Variants in RFC3 observed in about 807,000 individuals in gnomAD.
RFC3 encodes replication factor C subunit 3, also known as A1 38 kDa subunit.
Under a neutral mutation model 45.1 loss-of-function variants are expected in RFC3, and 41 were observed. The ratio of observed to expected loss-of-function variants is 0.91; its 90% CI spans 0.71 to 1.18. The LOEUF (loss-of-function observed/expected upper bound fraction) is 1.18, where lower values mean the gene tolerates loss of function less well. Ranked by LOEUF, RFC3 falls within the 50% of genes most tolerant of loss-of-function variation. The probability of loss-of-function intolerance (pLI) is 0.00; values close to 1 mark genes in which losing one functional copy is unlikely to be tolerated. For missense variants in RFC3, 423 were observed against 428.1 expected, an observed-to-expected ratio of 0.99 and a Z score of 0.10; for synonymous variants, 149 against 144.0, an observed-to-expected ratio of 1.03 and a Z score of -0.25.
chr13:33,872,299 G>A (rs1463108916), intron 8 of RFC3, among the ~76,000 whole-genome samples: 2 of 152,198 alleles, frequency 1.3e-5, no homozygotes, highest in African/African-American at 4.8e-5. Context: ...AGACACGTCT[G>A]TGCTATTCAC....
chr13:33,857,363 G>A (rs1051910525), intron 8 of RFC3, among the ~76,000 whole-genome samples: 2 of 152,140 alleles, frequency 1.3e-5, no homozygotes, highest in African/African-American at 4.8e-5. Flanking sequence ...CATATGGAAT[G>A]TATGGTTCTG....
At chr13:33,968,286 C>G (rs750504831), downstream of RFC3, among the ~76,000 whole-genome samples, 1 of 152,176 alleles carries the variant, frequency 6.6e-6, no homozygotes, top group South Asian at 2.1e-4. Context: ...CGCCACTACA[C>G]CTGGCTAATT....
chr13:33,893,825 G>T (rs1026603500), intron 8 of RFC3, among the ~76,000 whole-genome samples: 6 of 151,928 alleles, frequency 3.9e-5, no homozygotes, highest in African/African-American at 1.4e-4. Flanking sequence ...TGAAAATATG[G>T]TTAGGAGAGA....
chr13:33,850,152 A>G (rs1332200142), intron 8 of RFC3: 2 of 152,168 alleles, frequency 1.3e-5, no homozygotes, highest in Non-Finnish European at 2.9e-5. Flanking sequence ...TGGAGTGGCT[A>G]TCTTTTTTAC....
chr13:33,938,153 C>T (rs1197462381), intron 8 of RFC3, among the ~76,000 whole-genome samples: 2 of 118,640 alleles, frequency 1.7e-5, no homozygotes, highest in African/African-American at 6.6e-5. Context: ...CTGGCATTTT[C>T]ACAGCCACAG....
intron 8 of RFC3, among the ~76,000 whole-genome samples, chr13:33,931,470 G>A (rs2082851432): frequency 6.6e-6 from 1 of 152,144 alleles, no homozygotes; most frequent in Admixed American, 6.6e-5. Context: ...TGGGGGCTGA[G>A]TGTGAGACAA....
chr13:33,889,005 A>G (rs1457490993), intron 8 of RFC3, among the ~76,000 whole-genome samples: 2 of 152,184 alleles, frequency 1.3e-5, no homozygotes, highest in East Asian at 3.8e-4. Flanking sequence ...CGGCCTCCCA[A>G]AGTGCTGGGA....
chr13:33,959,501 A>G (rs1566043073), intron 8 of RFC3, among the ~76,000 whole-genome samples: 1 of 152,008 alleles, frequency 6.6e-6, no homozygotes, highest in Non-Finnish European at 1.5e-5. Context: ...CCCCAGCATA[A>G]ATTGCATTCT....
intron 8 of RFC3, among the ~76,000 whole-genome samples, chr13:33,907,310 T>G (rs74930359): frequency 0.016 from 2,464 of 152,210 alleles, 62 homozygotes; most frequent in African/African-American, 0.049. Flanking sequence ...TTTATACACC[T>G]AAACCAGGAC....
intron 8 of RFC3, among the ~76,000 whole-genome samples, chr13:33,948,730 G>A (rs577328380): frequency 6.6e-6 from 1 of 152,318 alleles, no homozygotes; most frequent in South Asian, 2.1e-4. Context: ...TGGAGTTAAA[G>A]GAAATCATTT....
chr13:33,836,874 A>C lies in RFC3; in HGVS notation c.*579A>C, dbSNP rs2082159568. ...AGATTAGTATTAGGTCGGTACTAAG[A>C]AATAAGCATGTTTTCACTAATTTAA... is the stretch of plus-strand genomic sequence containing the variant. On this transcript the variant is annotated 3_prime_UTR_variant, in exon 9 of 9. Coordinates refer to ENST00000380071, the MANE Select transcript of RFC3 (RefSeq NM_002915.4). 1 of 984,456 alleles carries C rather than the reference A, an allele frequency of 1.0e-6. No homozygotes were observed. Among genetic ancestry groups the C allele is most frequent in the African/African-American group, 1.7e-5 (1 of 57,210 alleles). The allele number at this position is 984,456 out of a possible 1,614,324, so 61.0% of individuals were successfully genotyped here.
chr13:33,888,407 C>T (rs1449521459), intron 8 of RFC3, among the ~76,000 whole-genome samples: 2 of 152,278 alleles, frequency 1.3e-5, no homozygotes, highest in East Asian at 1.9e-4. Flanking sequence ...ACCACAGTTT[C>T]CTGTAATTAT....
At chr13:33,889,299 G>A (rs1278970972) in intron 8 of RFC3, among the ~76,000 whole-genome samples, 1 of 152,212 alleles carries the variant, frequency 6.6e-6, no homozygotes, top group African/African-American at 2.4e-5. Flanking sequence ...GGCTGGGCTA[G>A]TTTTTAACCT....
chr13:33,865,255 C>T (rs1256319004), intron 8 of RFC3, among the ~76,000 whole-genome samples: 1 of 152,260 alleles, frequency 6.6e-6, no homozygotes, highest in East Asian at 1.9e-4. Context: ...AAAAATATTT[C>T]TATAATGATT....
At chr13:33,888,402 A>C (rs1346894952) in intron 8 of RFC3, among the ~76,000 whole-genome samples, 1 of 152,184 alleles carries the variant, frequency 6.6e-6, no homozygotes, top group Non-Finnish European at 1.5e-5. Context: ...AGTTAACCAC[A>C]GTTTCCTGTA....
chr13:33,925,406 A>G (rs1395161084), intron 8 of RFC3, among the ~76,000 whole-genome samples: 1 of 139,118 alleles, frequency 7.2e-6, no homozygotes, highest in East Asian at 2.1e-4. Flanking sequence ...ATAGTGTACT[A>G]TATACATACA....
At chr13:33,936,622 G>C (rs2082888250) in intron 8 of RFC3, among the ~76,000 whole-genome samples, 1 of 152,094 alleles carries the variant, frequency 6.6e-6, no homozygotes, top group South Asian at 2.1e-4. Flanking sequence ...TGATGCATCT[G>C]CAAGCCCCAA....
chr13:33,878,967 T>G (rs2082465287), intron 8 of RFC3, among the ~76,000 whole-genome samples: 1 of 152,122 alleles, frequency 6.6e-6, no homozygotes, highest in Admixed American at 6.6e-5. Context: ...GTGTGAATTT[T>G]CAGAAGGTTT....
At chr13:33,951,143 G>C (rs1320669818) in intron 8 of RFC3, among the ~76,000 whole-genome samples, 2 of 145,984 alleles carry the variant, frequency 1.4e-5, no homozygotes, top group Non-Finnish European at 3.0e-5. Context: ...ATGGGTTTTG[G>C]TCTTGTCATT....
Sources: allele counts gnomAD v4.1 joint callset (sites outside exome capture counted in the v4.1 genomes callset), GRCh38; gene constraint gnomAD v4.1.1; transcripts MANE v1.5; gene names NCBI Gene and HGNC (gene_info 2026-07-23, HGNC 2026-07-21).